CPNE8: variants seen among roughly 807,000 people sequenced by gnomAD.
CPNE8 encodes copine-8.
A neutral mutation model predicts 81.5 loss-of-function variants in CPNE8; 45 were observed. The ratio of observed to expected loss-of-function variants is 0.55; its 90% CI spans 0.44 to 0.71. The LOEUF is 0.71. Ranked by LOEUF, CPNE8 falls within the 30% of genes least tolerant of loss-of-function variation. The pLI is 0.00. For synonymous variants in CPNE8, 252 were observed against 226.3 expected (o/e 1.11, Z -1.02); for missense variants, 594 against 672.1 (o/e 0.88, Z 1.28).
At chr12:38,875,599 A>T (rs2137111387) in intron 1 of CPNE8, among the ~76,000 whole-genome samples, 1 of 152,288 alleles carries the variant, frequency 6.6e-6, no homozygotes, top group South Asian at 2.1e-4. Context: ...TTTTCATATA[A>T]ATCTGGCATC....
intron 1 of CPNE8, among the ~76,000 whole-genome samples, chr12:38,900,954 G>A (rs1944453365): frequency 6.6e-6 from 1 of 152,158 alleles, no homozygotes; most frequent in African/African-American, 2.4e-5. Flanking sequence ...GGGGGCAGTG[G>A]CTCAGGCCTA....
intron 19 of CPNE8, among the ~76,000 whole-genome samples, chr12:38,669,560 G>A (rs1426939008): frequency 6.6e-6 from 1 of 152,168 alleles, no homozygotes; most frequent in Non-Finnish European, 1.5e-5. Flanking sequence ...TGATAGAGCA[G>A]GAGCACAGTC....
At chr12:38,890,506 T>A in intron 1 of CPNE8, among the ~76,000 whole-genome samples, 1 of 152,204 alleles carries the variant, frequency 6.6e-6, no homozygotes, top group East Asian at 1.9e-4. Context: ...TTTTCTTTAG[T>A]TGGATTTTGA....
At chr12:38,816,235 A>AAC (rs760161850) in intron 6 of CPNE8, among the ~76,000 whole-genome samples, 20 of 152,224 alleles carry the variant, frequency 1.3e-4, no homozygotes, top group Non-Finnish European at 2.1e-4. Flanking sequence ...AAAAAGAGGA[A>AAC]ACATATAAAT....
At chr12:38,832,116 A>G (rs1218190712) in intron 5 of CPNE8, among the ~76,000 whole-genome samples, 1 of 152,146 alleles carries the variant, frequency 6.6e-6, no homozygotes, top group African/African-American at 2.4e-5. Flanking sequence ...ATCAAAGGCC[A>G]CACACACACT....
At chr12:38,854,076 T>G (rs1943688541) in intron 3 of CPNE8, among the ~76,000 whole-genome samples, 1 of 151,896 alleles carries the variant, frequency 6.6e-6, no homozygotes, top group Non-Finnish European at 1.5e-5. Flanking sequence ...TACACAAGAG[T>G]AAATTAGATG....
At position 38,776,295 on chromosome 12, in the gene CPNE8, A is replaced by G; in HGVS notation, c.414T>C (p.Ile138=). 2 of 1,511,826 alleles carry G rather than the reference A, an allele frequency of 1.3e-6. No individual in the cohort carries two copies. The highest frequency in any genetic ancestry group is 9.0e-7 in the Non-Finnish European group (1 of 1,110,172). The allele number at this position is 1,511,826 out of a possible 1,614,324, so 93.7% of individuals were successfully genotyped here. Residue 138 remains isoleucine, a synonymous_variant, in exon 7 of 20, where the codon ATT becomes ATC. Transcript: ENST00000331366. ...TGATTGTACCACATTTCTTCCCTGG[A>G]ATTCCTCTAAAACAACAAAAATATA... ...GSRLEKPIVG[I]PGKKCGTIIL...
At chr12:38,846,297 A>G (rs1026060456) in intron 4 of CPNE8, among the ~76,000 whole-genome samples, 6 of 152,220 alleles carry the variant, frequency 3.9e-5, no homozygotes, top group African/African-American at 4.8e-5. Flanking sequence ...TGGGATGCAC[A>G]GAATTGCAAT....
intron 1 of CPNE8, among the ~76,000 whole-genome samples, chr12:38,885,054 A>T (rs910153118): frequency 6.6e-6 from 1 of 152,224 alleles, no homozygotes; most frequent in African/African-American, 2.4e-5. Context: ...TGAAAAAAAG[A>T]TGAAGAAAAT....
chr12:38,888,253 G>A (rs2137135988), intron 1 of CPNE8, among the ~76,000 whole-genome samples: 1 of 152,306 alleles, frequency 6.6e-6, no homozygotes, highest in South Asian at 2.1e-4. Context: ...TGGAGGAAAA[G>A]TCATGTATAT....
intron 4 of CPNE8, among the ~76,000 whole-genome samples, chr12:38,847,263 A>G (rs1257762116): frequency 1.3e-5 from 2 of 152,204 alleles, no homozygotes; most frequent in Non-Finnish European, 2.9e-5. Flanking sequence ...GGAACAAAGA[A>G]TCATGAAATA....
chr12:38,660,902 A>T (rs151178842), intron 19 of CPNE8, among the ~76,000 whole-genome samples: 3 of 152,358 alleles, frequency 2.0e-5, no homozygotes, highest in African/African-American at 7.2e-5. Flanking sequence ...TCAAAACCAC[A>T]ATGAGATACC....
Position 38,653,297 on chromosome 12 carries a change from C to A in CPNE8, c.*585G>T, listed in dbSNP as rs1938741660. On this transcript the variant is annotated 3_prime_UTR_variant, in exon 20 of 20. Coordinates refer to ENST00000331366, the MANE Select transcript of CPNE8 (RefSeq NM_153634.3). ...ATTGTTTATTAAGCAGATGTAGTTT[C>A]TTAAGACAATCCAGTTACTGAAAAA... 6.6e-6 allele frequency: 1 copy of A among 152,606 alleles called. No homozygotes were observed. The highest frequency in any genetic ancestry group is 1.5e-5 in the Non-Finnish European group (1 of 68,032). The allele number at this position is 152,606 out of a possible 1,614,324, so 9.5% of individuals were successfully genotyped here.
chr12:38,837,298 A>T (rs1943398612), intron 5 of CPNE8, among the ~76,000 whole-genome samples: 1 of 152,186 alleles, frequency 6.6e-6, no homozygotes, highest in South Asian at 2.1e-4. Context: ...TGTGTTGATG[A>T]ATTATTCTCA....
upstream of CPNE8, chr12:38,906,671 A>C: frequency 1.1e-6 from 1 of 921,026 alleles, no homozygotes; most frequent in Non-Finnish European, 1.3e-6. Context: ...GCCAAGACGG[A>C]GTCGTGGCAA....
chr12:38,713,491 G>A (rs982364898), intron 13 of CPNE8, among the ~76,000 whole-genome samples: 3 of 152,144 alleles, frequency 2.0e-5, no homozygotes, highest in Admixed American at 2.0e-4. Flanking sequence ...TGTGTGACTC[G>A]TGGAGAGAGT....
chr12:38,703,772 A>G (rs1940014833), intron 13 of CPNE8, among the ~76,000 whole-genome samples: 1 of 152,168 alleles, frequency 6.6e-6, no homozygotes, highest in Admixed American at 6.6e-5. Context: ...TCATGTACAA[A>G]AATCAGTAGC....
At chr12:38,742,673 TATAAATAA>T (rs1555151385) in intron 10 of CPNE8, among the ~76,000 whole-genome samples, 1,530 of 68,832 alleles carry the variant, frequency 0.022, 12 homozygotes, top group Admixed American at 0.047. Flanking sequence ...GAACTTAAAA[TATAAATAA>T]ATAAATAAAT....
intron 3 of CPNE8, among the ~76,000 whole-genome samples, chr12:38,853,147 C>A (rs1389283179): frequency 6.6e-6 from 1 of 152,070 alleles, no homozygotes; most frequent in African/African-American, 2.4e-5. Flanking sequence ...TAGCTATCAA[C>A]CAAGTGATTA....
Sources: allele counts gnomAD v4.1 joint callset (sites outside exome capture counted in the v4.1 genomes callset), GRCh38; gene constraint gnomAD v4.1.1; transcripts MANE v1.5; gene names NCBI Gene and HGNC (gene_info 2026-07-23, HGNC 2026-07-21).